The following CTNNA2 variants were observed in gnomAD, a reference collection of about 807,000 sequenced individuals.
The protein encoded by CTNNA2 is catenin alpha-2.
In CTNNA2, 42 loss-of-function variants were observed where a neutral mutation model predicts 101.0. The observed-to-expected ratio is 0.42, with a 90% CI of 0.32 to 0.54. The LOEUF is 0.54. Ranked by LOEUF, CTNNA2 falls within the 20% of genes least tolerant of loss-of-function variation. The probability of loss-of-function intolerance (pLI) is 0.14; values close to 1 mark genes in which losing one functional copy is unlikely to be tolerated. For missense variants in CTNNA2, 871 were observed against 1,223.1 expected, an observed-to-expected ratio of 0.71 and a Z score of 4.29; for synonymous variants, 450 against 456.4, an observed-to-expected ratio of 0.99 and a Z score of 0.18.
At chr2:79,528,535 A>C (rs1405308004) in intron 1 of CTNNA2, among the ~76,000 whole-genome samples, 1 of 152,146 alleles carries the variant, frequency 6.6e-6, no homozygotes, top group East Asian at 1.9e-4. Flanking sequence ...TGAATTATAC[A>C]CTTTAAAATG....
At chr2:79,441,685 G>T (rs766198667) in intron 4 of CTNNA2, among the ~76,000 whole-genome samples, 2 of 152,098 alleles carry the variant, frequency 1.3e-5, no homozygotes, top group South Asian at 4.1e-4. Context: ...CACAAACAAT[G>T]GAGTGGTACT....
At chr2:79,335,133 G>A (rs1172606611) in intron 3 of CTNNA2, among the ~76,000 whole-genome samples, 5 of 152,116 alleles carry the variant, frequency 3.3e-5, no homozygotes, top group Admixed American at 6.5e-5. Context: ...ATGTGAATTC[G>A]TTATCAGATC....
intron 3 of CTNNA2, among the ~76,000 whole-genome samples, chr2:79,815,010 A>G (rs1163321028): frequency 6.6e-6 from 1 of 152,008 alleles, no homozygotes; most frequent in South Asian, 2.1e-4. Context: ...TTTGATTTGC[A>G]TTTCCCTAAT....
At chr2:80,051,242 T>A (rs1417804240) in intron 7 of CTNNA2, among the ~76,000 whole-genome samples, 4 of 152,216 alleles carry the variant, frequency 2.6e-5, no homozygotes, top group Admixed American at 6.5e-5. Context: ...TATTTTGAGG[T>A]TAAATGTGTT....
At chr2:80,634,065 GCC>G (rs1300254909) in intron 18 of CTNNA2, among the ~76,000 whole-genome samples, 1 of 152,166 alleles carries the variant, frequency 6.6e-6, no homozygotes, top group Non-Finnish European at 1.5e-5. Flanking sequence ...CTTTGGACAA[GCC>G]TTTCACGTCC....
At chr2:80,256,073 A>C (rs1007828508) in intron 7 of CTNNA2, among the ~76,000 whole-genome samples, 2 of 152,086 alleles carry the variant, frequency 1.3e-5, no homozygotes, top group Non-Finnish European at 2.9e-5. Context: ...CTAATCACAG[A>C]CAGCCAGCAC....
At chr2:80,352,774 G>C (rs181474185) in intron 7 of CTNNA2, among the ~76,000 whole-genome samples, 1 of 152,132 alleles carries the variant, frequency 6.6e-6, no homozygotes, top group East Asian at 1.9e-4. Context: ...CTATTTATTT[G>C]AGTTTATTAT....
intron 6 of CTNNA2, among the ~76,000 whole-genome samples, chr2:79,909,170 TGTG>T (rs1472383181): frequency 1.7e-4 from 4 of 23,298 alleles, no homozygotes; most frequent in African/African-American, 2.6e-4. Context: ...AGGATTAACG[TGTG>T]TGTATACAAG....
At chr2:79,895,855 A>G (rs1352631209) in intron 6 of CTNNA2, among the ~76,000 whole-genome samples, 1 of 152,188 alleles carries the variant, frequency 6.6e-6, no homozygotes, top group Non-Finnish European at 1.5e-5. Flanking sequence ...AAGACCATAT[A>G]AAAATGGGCA....
At chr2:79,371,914 A>C (rs1018798638) in intron 3 of CTNNA2, among the ~76,000 whole-genome samples, 10 of 152,180 alleles carry the variant, frequency 6.6e-5, no homozygotes, top group Admixed American at 5.2e-4. Flanking sequence ...AGCACTGTAC[A>C]TTTAATCCCC....
At chr2:79,922,268 C>T (rs1686713222) in intron 7 of CTNNA2, among the ~76,000 whole-genome samples, 1 of 152,242 alleles carries the variant, frequency 6.6e-6, no homozygotes, top group African/African-American at 2.4e-5. Context: ...CTCAAGAAGA[C>T]ATCATTTGCA....
At chr2:80,203,100 A>G (rs577049793) in intron 7 of CTNNA2, among the ~76,000 whole-genome samples, 3 of 152,248 alleles carry the variant, frequency 2.0e-5, no homozygotes, top group East Asian at 3.9e-4. Context: ...CCATTATTCA[A>G]TCATCTCCCA....
chr2:79,418,756 T>C (rs1289592112), intron 4 of CTNNA2, among the ~76,000 whole-genome samples: 1 of 152,090 alleles, frequency 6.6e-6, no homozygotes, highest in Non-Finnish European at 1.5e-5. Context: ...TTCCATGATG[T>C]GAGGTTCTGC....
chr2:80,237,277 TA>T (rs964525379), intron 7 of CTNNA2, among the ~76,000 whole-genome samples: 3 of 152,214 alleles, frequency 2.0e-5, no homozygotes, highest in Non-Finnish European at 4.4e-5. Flanking sequence ...GCATTTTTGC[TA>T]AAAAATTGAA....
chr2:79,214,690 A>G (rs990508718), intron 2 of CTNNA2, among the ~76,000 whole-genome samples: 10 of 152,040 alleles, frequency 6.6e-5, no homozygotes, highest in African/African-American at 2.2e-4. Context: ...AGGAAGACGC[A>G]AAGGAGGCTT....
intron 7 of CTNNA2, among the ~76,000 whole-genome samples, chr2:80,205,719 CT>C (rs1387450392): frequency 6.6e-6 from 1 of 152,086 alleles, no homozygotes; most frequent in African/African-American, 2.4e-5. Context: ...ATTGCTAAAC[CT>C]TCTCTATTGA....
At chr2:79,331,395 G>C (rs890117579) in intron 3 of CTNNA2, among the ~76,000 whole-genome samples, 1 of 152,134 alleles carries the variant, frequency 6.6e-6, no homozygotes, top group African/African-American at 2.4e-5. Context: ...CTTCACTTCA[G>C]TCAGATCCTC....
intron 4 of CTNNA2, among the ~76,000 whole-genome samples, chr2:79,476,307 A>C (rs1268221897): frequency 6.6e-6 from 1 of 152,214 alleles, no homozygotes. Flanking sequence ...GTATAGGCAC[A>C]GTATCTCCTC....
intron 7 of CTNNA2, among the ~76,000 whole-genome samples, chr2:80,234,128 C>T (rs556171550): frequency 2.0e-4 from 31 of 152,088 alleles, no homozygotes; most frequent in African/African-American, 5.3e-4. Context: ...CTCACTGCAA[C>T]CTCCACCTCC....
Sources: gnomAD v4.1 joint callset for allele counts (sites outside exome capture counted in the v4.1 genomes callset) on GRCh38, gnomAD v4.1.1 for gene constraint, MANE v1.5 for transcripts, NCBI Gene and HGNC (gene_info 2026-07-23, HGNC 2026-07-21) for gene names.